DCLRE1C: variants seen among roughly 807,000 people sequenced by gnomAD.
DCLRE1C encodes DNA cross-link repair 1C, also known as protein artemis.
A neutral mutation model predicts 61.4 loss-of-function variants in DCLRE1C; 47 were observed. The observed-to-expected ratio is 0.77, with a 90% CI of 0.61 to 0.98. The LOEUF is 0.98. DCLRE1C is among the 50% of genes least tolerant of loss of function. The pLI is 0.00. For missense variants in DCLRE1C, 858 were observed against 816.0 expected (o/e 1.05, Z -0.63); for synonymous variants, 337 against 287.6 (o/e 1.17, Z -1.74).
intron 9 of DCLRE1C, among the ~76,000 whole-genome samples, chr10:14,929,445 C>T (rs548721459): frequency 2.6e-4 from 36 of 138,288 alleles, no homozygotes; most frequent in Non-Finnish European, 5.5e-4. Flanking sequence ...AAAAAGATCT[C>T]AGCCTGGGCA....
intron 11 of DCLRE1C, among the ~76,000 whole-genome samples, chr10:14,924,265 T>C (rs1043876208): frequency 1.8e-4 from 28 of 152,336 alleles, no homozygotes; most frequent in South Asian, 4.1e-4. Flanking sequence ...ACTGTGCACA[T>C]AGACTGCCTC....
chr10:14,897,735 T>C (rs144937535), exon 14 of DCLRE1C: 127 of 333,498 alleles, frequency 3.8e-4, no homozygotes, highest in African/African-American at 2.3e-3. Context: ...CAAATTGATA[T>C]AGTCATCTTT....
intron 8 of DCLRE1C, 46 bp from the exon 9 acceptor site, chr10:14,933,001 C>G: frequency 6.3e-7 from 1 of 1,593,620 alleles, no homozygotes; most frequent in Non-Finnish European, 8.6e-7. Flanking sequence ...AATGTATTTC[C>G]TATAAATTGT....
Position 14,934,368 on chromosome 10 carries a change from C to T in DCLRE1C, c.678+12G>A, listed in dbSNP as rs201504698. On this transcript the variant is annotated intron_variant, in intron 8 of 13. Coordinates refer to ENST00000378278, the MANE Select transcript of DCLRE1C (RefSeq NM_001033855.3). ...AGAAAAAAGAAAAGAAAAGAATGAA[C>T]AGTCACCATACCTGGACTCCTAATT... The T allele has an allele frequency of 4.5e-5, 73 of 1,609,334 alleles. No homozygotes were observed. The highest frequency in any genetic ancestry group is 5.3e-5 in the Non-Finnish European group (63 of 1,178,114).
intron 1 of DCLRE1C, among the ~76,000 whole-genome samples, chr10:14,950,019 T>A (rs1366412007): frequency 6.6e-6 from 1 of 151,350 alleles, no homozygotes; most frequent in Non-Finnish European, 1.5e-5. Flanking sequence ...CACTTCGGCC[T>A]GGGCGACAGA....
chr10:14,912,146 A>G (rs1311828460), intron 13 of DCLRE1C, among the ~76,000 whole-genome samples: 1 of 152,156 alleles, frequency 6.6e-6, no homozygotes, highest in Non-Finnish European at 1.5e-5. Flanking sequence ...AAATAATTAA[A>G]CCATCATAAG....
intron 13 of DCLRE1C, among the ~76,000 whole-genome samples, chr10:14,910,257 T>G (rs1835030106): frequency 2.6e-5 from 4 of 152,222 alleles, no homozygotes; most frequent in Admixed American, 2.6e-4. Flanking sequence ...TTCAGTGTTA[T>G]GACTTGTAAC....
chr10:14,931,890 C>G (rs1194455230), intron 9 of DCLRE1C, among the ~76,000 whole-genome samples: 1 of 152,010 alleles, frequency 6.6e-6, no homozygotes, highest in African/African-American at 2.4e-5. Flanking sequence ...AAAAATTAGC[C>G]AAGCATGGTG....
Position 14,943,783 on chromosome 10 carries a change from T to G in DCLRE1C, c.246+1322A>C, listed in dbSNP as rs41296948. Among the ~76,000 whole-genome samples the G allele has an allele frequency of 3.7e-3, 545 of 145,370 alleles. 1 individual carries two copies. The highest frequency in any genetic ancestry group is 0.012 in the African/African-American group (489 of 39,348). ...AGGCTGTTCTCTATCTGACCTCAGG[T>G]GAGCTGCCCGCCTCGGCCTCCCAAA... On this transcript the variant is annotated intron_variant, in intron 3 of 13. Coordinates refer to ENST00000378278, the MANE Select transcript of DCLRE1C (RefSeq NM_001033855.3).
At chr10:14,932,336 T>A (rs1191552975) in intron 9 of DCLRE1C, among the ~76,000 whole-genome samples, 2 of 152,182 alleles carry the variant, frequency 1.3e-5, no homozygotes, top group Non-Finnish European at 2.9e-5. Flanking sequence ...ATAGATTTCA[T>A]CAGAAAACTA....
At chr10:14,952,581 T>A (rs1258672753) in intron 1 of DCLRE1C, among the ~76,000 whole-genome samples, 1 of 151,834 alleles carries the variant, frequency 6.6e-6, no homozygotes, top group Non-Finnish European at 1.5e-5. Flanking sequence ...AGACTCCACC[T>A]CAAAATAATA....
chr10:14,907,442 A>AT lies in DCLRE1C; in HGVS notation c.*965dup, dbSNP rs1834505210. Among the ~76,000 whole-genome samples, 1 of 151,816 alleles carries AT rather than the reference A, an allele frequency of 6.6e-6. No individual in the cohort carries two copies. The highest frequency in any genetic ancestry group is 6.6e-5 in the Admixed American group (1 of 15,230). On this transcript the variant is annotated 3_prime_UTR_variant, in exon 14 of 14. Coordinates refer to ENST00000378278, the MANE Select transcript of DCLRE1C (RefSeq NM_001033855.3). ...GTCAATTTAATCCAGTCGGCTTATG[A>AT]TTTTCAGTTCTATATTCTTACTGAT...
At position 14,949,815 on chromosome 10, in the gene DCLRE1C, T is replaced by G. The variant is rs551867540; in HGVS notation, c.110-728A>C. On this transcript the variant is annotated intron_variant, in intron 1 of 13. Transcript: ENST00000378278. ...ATCCCAACACTTTGGGAGGCCGACGTAGGCGGATCACCTGAGGTCAGAAGT... is the reference window on the plus strand; with the variant it reads ...ATCCCAACACTTTGGGAGGCCGACGGAGGCGGATCACCTGAGGTCAGAAGT... Among the ~76,000 whole-genome samples the G allele has an allele frequency of 2.7e-5, 4 of 150,388 alleles. No homozygotes were observed. The South Asian group carries it at 8.5e-4, about 32-fold the overall frequency.
intron 13 of DCLRE1C, 76 bp downstream of exon 13, chr10:14,919,661 TC>T: frequency 8.6e-7 from 1 of 1,159,996 alleles, no homozygotes; most frequent in South Asian, 1.2e-5. Flanking sequence ...CAAGGCCACT[TC>T]TCCCAGACCC....
At chr10:14,919,964 AC>A in intron 12 of DCLRE1C, 132 bp from the exon 13 acceptor site, 1 of 736,092 alleles carries the variant, frequency 1.4e-6, no homozygotes, top group Non-Finnish European at 2.4e-6. Context: ...CAAAATCTTG[AC>A]CATAAGGGAA....
At chr10:14,942,778 T>C (rs1289358711) in intron 3 of DCLRE1C, among the ~76,000 whole-genome samples, 2 of 152,130 alleles carry the variant, frequency 1.3e-5, no homozygotes, top group African/African-American at 2.4e-5. Flanking sequence ...ATGGGCCTTT[T>C]TGTCAGCTTG....
intron 7 of DCLRE1C, 88 bp from the exon 8 acceptor site, chr10:14,934,608 G>C (rs1181426719): frequency 6.2e-7 from 1 of 1,612,744 alleles, no homozygotes; most frequent in South Asian, 1.1e-5. Context: ...TCACACCTAC[G>C]GGGACAGTTA....
At position 14,935,546 on chromosome 10, in the gene DCLRE1C, A is replaced by G; in HGVS notation, c.381T>C (p.Asn127=). 6.2e-7 allele frequency: 1 copy of G among 1,614,126 alleles called. No homozygotes were observed. Among genetic ancestry groups the G allele is most frequent in the Non-Finnish European group, 8.5e-7 (1 of 1,179,982 alleles). The part of the protein sequence containing the change: ...PGSVMFLFQG[N]NGTVLYTGDF... ...CTCCTGTGTACAGGACAGTTCCATT[A>G]TTGCCCTGAAATAAAAACCTGAAAA... The change falls in exon 6 of 14, where the codon AAT becomes AAC. Residue 127 remains asparagine (N), a synonymous_variant. Coordinates refer to ENST00000378278, the MANE Select transcript of DCLRE1C (RefSeq NM_001033855.3).
At chr10:14,897,675 C>T (rs1477541550) in exon 14 of DCLRE1C, 1 of 579,630 alleles carries the variant, frequency 1.7e-6, no homozygotes, top group East Asian at 3.5e-5. Flanking sequence ...AGTTCACTGG[C>T]ATATTTAGAA....
Sources: allele counts gnomAD v4.1 joint callset (sites outside exome capture counted in the v4.1 genomes callset), GRCh38; gene constraint gnomAD v4.1.1; transcripts MANE v1.5; gene names NCBI Gene and HGNC (gene_info 2026-07-23, HGNC 2026-07-21).